Variants in ZFAT observed in about 807,000 individuals in gnomAD.
ZFAT encodes the protein zinc finger protein ZFAT.
A neutral mutation model predicts 117.7 loss-of-function variants in ZFAT; 64 were observed. The observed-to-expected ratio is 0.54, with a 90% CI of 0.44 to 0.67. The LOEUF is 0.67. Ranked by LOEUF, ZFAT falls within the 30% of genes least tolerant of loss-of-function variation. The pLI is 0.00. For synonymous variants in ZFAT, 679 were observed against 615.0 expected (o/e 1.10, Z -1.54); for missense variants, 1,433 against 1,584.5 (o/e 0.90, Z 1.62).
At chr8:134,709,711 T>A (rs1813914498) in intron 1 of ZFAT, among the ~76,000 whole-genome samples, 1 of 152,276 alleles carries the variant, frequency 6.6e-6, no homozygotes, top group African/African-American at 2.4e-5. Context: ...TTGACTGCCC[T>A]TGCTCTAGGC....
the ZFAT span, among the ~76,000 whole-genome samples, chr8:134,747,763 GC>G: frequency 6.6e-6 from 1 of 152,066 alleles, no homozygotes; most frequent in Admixed American, 6.6e-5. Flanking sequence ...TTTTTTTACA[GC>G]CCTGTAATTT....
intron 9 of ZFAT, among the ~76,000 whole-genome samples, chr8:134,585,328 G>A (rs1341226782): frequency 6.6e-6 from 1 of 152,174 alleles, no homozygotes; most frequent in African/African-American, 2.4e-5. Context: ...CCACAGAGGA[G>A]AAGCCCACAC....
rs138367591 is a variant in ZFAT, at chr8:134,532,810, C to A, written c.3115+24G>T. On this transcript the variant is annotated intron_variant, in intron 12 of 15. Transcript: ENST00000377838. Reference sequence around the variant, plus strand: ...GGCCTAAAAGGAAGCGGGCAGGGCCCCAGCTCGCTGGCCCCTCGCCTACCT... The same window carrying A: ...GGCCTAAAAGGAAGCGGGCAGGGCCACAGCTCGCTGGCCCCTCGCCTACCT... 6 of 1,607,164 alleles carry A rather than the reference C, an allele frequency of 3.7e-6. No homozygotes were observed. In the African/African-American group the frequency reaches 8.0e-5, roughly 21 times the overall value.
At chr8:134,655,650 A>G (rs1831553649) in intron 2 of ZFAT, among the ~76,000 whole-genome samples, 1 of 152,082 alleles carries the variant, frequency 6.6e-6, no homozygotes, top group African/African-American at 2.4e-5. Flanking sequence ...TCAGTCTCAA[A>G]AAGAAAATGA....
At chr8:134,495,355 C>T (rs560971452) in intron 15 of ZFAT, among the ~76,000 whole-genome samples, 2 of 152,216 alleles carry the variant, frequency 1.3e-5, no homozygotes, top group Admixed American at 6.5e-5. Flanking sequence ...AGGCACTCAT[C>T]GCATTCATGG....
chr8:134,602,100 G>C lies in ZFAT; in HGVS notation c.1619C>G (p.Thr540Ser). The C allele has an allele frequency of 1.2e-6, 2 of 1,612,150 alleles. No homozygotes were observed. Among genetic ancestry groups the C allele is most frequent in the Non-Finnish European group, 1.7e-6 (2 of 1,179,444 alleles). Reference sequence around the variant, plus strand: ...CTCCTTCCGGCCCTCCTCCAGCTGAGTGTCCCCAGGACAGGCCTCTTCCTT... The same window carrying C: ...CTCCTTCCGGCCCTCCTCCAGCTGACTGTCCCCAGGACAGGCCTCTTCCTT... ...ALKEEACPGD[T>S]QLEEGRKEPE... is the part of the protein sequence containing the mutation. The change falls in exon 6 of 16, where the codon ACT becomes AGT. Residue 540 changes from threonine to serine, a missense_variant. Around this residue, in one of 5 missense-constraint regions of ZFAT, gnomAD observed 372 missense variants for 355.6 expected, o/e 1.05. Transcript: ENST00000377838.
intron 2 of ZFAT, among the ~76,000 whole-genome samples, chr8:134,644,166 AAC>A (rs1389207963): frequency 6.6e-6 from 1 of 152,184 alleles, no homozygotes; most frequent in African/African-American, 2.4e-5. Context: ...GGCCAGAGTC[AAC>A]AGCCTGTGGG....
the ZFAT span, among the ~76,000 whole-genome samples, chr8:134,761,275 A>G: frequency 2.0e-5 from 3 of 152,106 alleles, no homozygotes; most frequent in African/African-American, 4.8e-5. Context: ...CCTTCAAAGG[A>G]CTGAGGGTAT....
chr8:134,539,766 C>G (rs1369503655), intron 11 of ZFAT, among the ~76,000 whole-genome samples: 3 of 152,204 alleles, frequency 2.0e-5, no homozygotes, highest in Admixed American at 2.0e-4. Flanking sequence ...GACAACTTTA[C>G]AACACAGAAG....
chr8:134,789,798 T>C, the ZFAT span, among the ~76,000 whole-genome samples: 1 of 152,226 alleles, frequency 6.6e-6, no homozygotes, highest in Non-Finnish European at 1.5e-5. Flanking sequence ...TCATTCCTGA[T>C]GTCTTTGGTC....
At chr8:134,556,515 A>G (rs997822512) in intron 11 of ZFAT, among the ~76,000 whole-genome samples, 21 of 152,170 alleles carry the variant, frequency 1.4e-4, no homozygotes, top group Non-Finnish European at 4.4e-5. Flanking sequence ...AACCACACCT[A>G]GACTTGCTGA....
At chr8:134,517,639 T>C (rs948654999) in intron 13 of ZFAT, among the ~76,000 whole-genome samples, 36 of 152,240 alleles carry the variant, frequency 2.4e-4, no homozygotes, top group African/African-American at 8.4e-4. Flanking sequence ...TTCTCATTAA[T>C]GTTCTTTCTC....
chr8:134,544,997 C>T (rs1003764529), intron 11 of ZFAT, among the ~76,000 whole-genome samples: 3 of 152,134 alleles, frequency 2.0e-5, no homozygotes, highest in African/African-American at 4.8e-5. Flanking sequence ...GGGACACACA[C>T]GTCATGAGTC....
At chr8:134,742,597 C>T in the ZFAT span, among the ~76,000 whole-genome samples, 2 of 152,222 alleles carry the variant, frequency 1.3e-5, no homozygotes, top group African/African-American at 4.8e-5. Context: ...CACCTCTCTC[C>T]AGACTCGCAT....
At chr8:134,729,800 C>T in the ZFAT span, among the ~76,000 whole-genome samples, 1 of 152,148 alleles carries the variant, frequency 6.6e-6, no homozygotes, top group African/African-American at 2.4e-5. Context: ...TATTCTAAAA[C>T]TTTGTATGTC....
intron 1 of ZFAT, among the ~76,000 whole-genome samples, chr8:134,705,415 G>A (rs1331567783): frequency 1.5e-5 from 2 of 130,184 alleles, no homozygotes; most frequent in Non-Finnish European, 3.1e-5. Context: ...TCACTATGTT[G>A]TATGTTGCCA....
chr8:134,565,930 C>G (rs1231330233), intron 10 of ZFAT, among the ~76,000 whole-genome samples: 1 of 151,814 alleles, frequency 6.6e-6, no homozygotes, highest in Non-Finnish European at 1.5e-5. Context: ...TGGACCATCT[C>G]ACAAGGACCT....
the ZFAT span, among the ~76,000 whole-genome samples, chr8:134,778,940 A>G: frequency 6.6e-6 from 1 of 152,218 alleles, no homozygotes; most frequent in Non-Finnish European, 1.5e-5. Flanking sequence ...GTGGTCTTGG[A>G]ATTGTGTGCC....
At chr8:134,507,696 G>A (rs532456490) in intron 15 of ZFAT, among the ~76,000 whole-genome samples, 3 of 152,092 alleles carry the variant, frequency 2.0e-5, no homozygotes, top group Admixed American at 6.6e-5. Context: ...CTGTGACCTC[G>A]TGTATCACTG....
Sources: allele counts gnomAD v4.1 joint callset (sites outside exome capture counted in the v4.1 genomes callset), GRCh38; gene constraint gnomAD v4.1.1; regional missense constraint gnomAD v4.1.1; transcripts MANE v1.5; gene names NCBI Gene and HGNC (gene_info 2026-07-23, HGNC 2026-07-21).